Variants in BICRA observed in about 807,000 individuals in gnomAD.
The protein encoded by BICRA is BRD4 interacting chromatin remodeling complex associated protein, also known as BRD4-interacting chromatin-remodeling complex-associated protein.
In BICRA, 31 loss-of-function variants were observed where a neutral mutation model predicts 96.9. The observed-to-expected ratio is 0.32, with a 90% CI of 0.24 to 0.43. BICRA has a LOEUF of 0.43. Among genes scored for constraint, BICRA ranks in the 20% least tolerant of loss-of-function variants. BICRA has a pLI of 1.00. For missense variants in BICRA, 2,283 were observed against 2,190.3 expected (o/e 1.04, Z -0.84); for synonymous variants, 1,350 against 1,071.8 (o/e 1.26, Z -5.07).
At chr19:47,622,561 A>G (rs1237766471) in intron 1 of BICRA, among the ~76,000 whole-genome samples, 4 of 150,204 alleles carry the variant, frequency 2.7e-5, no homozygotes, top group Admixed American at 6.6e-5. Flanking sequence ...TGTCTCTACT[A>G]AAAATACAAA....
At chr19:47,621,093 C>A (rs1972058528) in intron 1 of BICRA, among the ~76,000 whole-genome samples, 1 of 152,100 alleles carries the variant, frequency 6.6e-6, no homozygotes, top group African/African-American at 2.4e-5. Context: ...GGATTGTTGA[C>A]CTCCCCACTG....
At position 47,699,070 on chromosome 19, in the gene BICRA, A is replaced by G; in HGVS notation, c.3492+11A>G. 1 of 1,529,244 alleles carries G rather than the reference A, an allele frequency of 6.5e-7. No individual in the cohort carries two copies. Among genetic ancestry groups the G allele is most frequent in the Non-Finnish European group, 8.9e-7 (1 of 1,125,786 alleles). The allele number at this position is 1,529,244 out of a possible 1,614,324, so 94.7% of individuals were successfully genotyped here. A position where few individuals can be genotyped will look rare whatever the true frequency, so the allele number is the denominator to read the frequency against. Reference sequence around the variant, plus strand: ...CTGGAGGAGTCCCGGGTAGGGTCAGAGTCGCCTTCCTCGCCTCTGGGCTCC... The same window carrying G: ...CTGGAGGAGTCCCGGGTAGGGTCAGGGTCGCCTTCCTCGCCTCTGGGCTCC... On this transcript the variant is annotated intron_variant, in intron 13 of 14. Coordinates refer to ENST00000594866, the MANE Select transcript of BICRA (RefSeq NM_001394372.1). The surrounding 1 kb of genome is among the most constrained non-coding windows in gnomAD (Gnocchi z 5.0).
At chr19:47,649,037 C>G (rs1362581107) in intron 1 of BICRA, among the ~76,000 whole-genome samples, 6 of 151,962 alleles carry the variant, frequency 3.9e-5, no homozygotes, top group Non-Finnish European at 8.8e-5. Context: ...ATTTTTAGTA[C>G]AGACGGGGTT....
intron 1 of BICRA, among the ~76,000 whole-genome samples, chr19:47,612,394 C>G (rs1971921140): frequency 6.8e-6 from 1 of 148,018 alleles, no homozygotes; most frequent in African/African-American, 2.5e-5. Context: ...CAAGCCTGGG[C>G]AAGAGTGAGA....
In BICRA at chr19:47,679,374, G is replaced by A. The variant is rs772895921; in HGVS notation, c.204G>A (p.Pro68=). 6.3e-6 allele frequency: 9 copies of A among 1,429,642 alleles called. No homozygotes were observed. In the East Asian group the frequency reaches 8.2e-5, roughly 13 times the overall value. The allele number at this position is 1,429,642 out of a possible 1,614,324, so 88.6% of individuals were successfully genotyped here. The change falls in exon 6 of 15, where the codon CCG becomes CCA. Residue 68 remains proline (P), a synonymous_variant. Coordinates refer to ENST00000594866, the MANE Select transcript of BICRA (RefSeq NM_001394372.1). ...GNHLNPEPNQ[P]APSVDLDFLE... The stretch of plus-strand genomic sequence containing the variant: ...ACCTGAACCCAGAGCCCAACCAGCC[G>A]GCCCCCAGTGTGGACCTAGACTTCC...
rs67811590 is a variant in BICRA at position 47,685,786 on chromosome 19, T to TGCGCGC, written c.2283+3643_2283+3648dup. On this transcript the variant is annotated intron_variant, in intron 7 of 14. Transcript: ENST00000594866. ...GTGTGTGTGTGTGTGTGTGTGTGTGTGCGCGCGCGCGCGCATGCGTACATT... is the reference window on the plus strand; with the variant it reads ...GTGTGTGTGTGTGTGTGTGTGTGTGTGCGCGCGCGCGCGCGCGCGCATGCGTACATT... Among the ~76,000 whole-genome samples the TGCGCGC allele has an allele frequency of 1.1e-3, 125 of 117,968 alleles. 2 individuals carry two copies. The highest frequency in any genetic ancestry group is 4.6e-3 in the South Asian group (15 of 3,282). The allele number at this position is 117,968 out of a possible 152,430, so 77.4% of individuals were successfully genotyped here. A position where few individuals can be genotyped will look rare whatever the true frequency, so the allele number is the denominator to read the frequency against.
intron 1 of BICRA, among the ~76,000 whole-genome samples, chr19:47,628,123 A>G (rs1176495904): frequency 6.6e-6 from 1 of 152,190 alleles, no homozygotes; most frequent in East Asian, 1.9e-4. Flanking sequence ...ACATGACAAC[A>G]TGACAAGGAC....
rs114055817 is a variant in BICRA, at chr19:47,648,026, G to A, written c.-107-22417G>A. Among the ~76,000 whole-genome samples, 1,119 of 152,154 alleles carry A rather than the reference G, an allele frequency of 7.4e-3. 10 individuals are homozygous for A. The highest frequency in any genetic ancestry group is 0.025 in the African/African-American group (1,035 of 41,518). ...ACTGGATTAACTTGCTCCTGGGTCGGTGTGCGGGATAGGGGGAGGGTGCAT... is the reference window on the plus strand; with the variant it reads ...ACTGGATTAACTTGCTCCTGGGTCGATGTGCGGGATAGGGGGAGGGTGCAT... On this transcript the variant is annotated intron_variant, in intron 1 of 14. Coordinates refer to ENST00000594866, the MANE Select transcript of BICRA (RefSeq NM_001394372.1).
In BICRA at chr19:47,699,403, C is replaced by T. The variant is rs760720237; in HGVS notation, c.3593C>T (p.Pro1198Leu). 14 of 1,506,494 alleles carry T rather than the reference C, an allele frequency of 9.3e-6. 1 individual carries two copies. The Admixed American group carries it at 2.5e-4, about 27-fold the overall frequency. 93.3% of individuals were successfully genotyped at this position (1,506,494 alleles called of 1,614,324 possible). ...ALDKQLAKEK[P>L]DEYVSSSRSL... ...GATAAACAGCTGGCCAAGGAGAAGC[C>T]GGGTGAGAGGGGGGAGTGAGAGGGG... Residue 1198 changes from proline (P) to leucine (L), a missense_variant and splice_region_variant, in exon 14 of 15, where the codon CCG (proline) becomes CTG (leucine). Transcript: ENST00000594866. The surrounding 1 kb of genome is among the most constrained non-coding windows in gnomAD (Gnocchi z 5.0).
chr19:47,646,702 TCCTA>T (rs1972464878), intron 1 of BICRA, among the ~76,000 whole-genome samples: 1 of 152,156 alleles, frequency 6.6e-6, no homozygotes. Flanking sequence ...AGTCAAGGAT[TCCTA>T]CAGAAAAGTG....
intron 1 of BICRA, among the ~76,000 whole-genome samples, chr19:47,628,036 G>A (rs1348465718): frequency 6.6e-6 from 1 of 152,184 alleles, no homozygotes; most frequent in Non-Finnish European, 1.5e-5. Flanking sequence ...TCGAAGTGGT[G>A]GGATTACAGG....
At chr19:47,610,420 C>T (rs911112105) in intron 1 of BICRA, among the ~76,000 whole-genome samples, 4 of 152,198 alleles carry the variant, frequency 2.6e-5, no homozygotes, top group African/African-American at 9.6e-5. Context: ...CGGCTTCTTC[C>T]TCTCCGCGCC....
upstream of BICRA, chr19:47,608,546 G>C (rs1971842931): frequency 6.6e-6 from 1 of 152,216 alleles, no homozygotes. Flanking sequence ...TCCCCAGCCG[G>C]ACCGGCGGTC....
intron 1 of BICRA, among the ~76,000 whole-genome samples, chr19:47,633,665 A>G (rs932556635): frequency 6.6e-6 from 1 of 152,168 alleles, no homozygotes; most frequent in African/African-American, 2.4e-5. Context: ...CCATTTCTGG[A>G]GAGCTTCCAG....
At position 47,701,069 on chromosome 19, in the gene BICRA, T is replaced by G; in HGVS notation, c.3596-259T>G. ...CTGGGATTACAGGCCTGAGCCTTGT[T>G]TTGTATTCTCTTAATTTACTTATGT... On this transcript the variant is annotated intron_variant, in intron 14 of 14. Coordinates refer to ENST00000594866, the MANE Select transcript of BICRA (RefSeq NM_001394372.1). The surrounding 1 kb of genome is among the most constrained non-coding windows in gnomAD (Gnocchi z 5.4). 3 of 497,454 alleles carry G rather than the reference T, an allele frequency of 6.0e-6. No homozygotes were observed. Among genetic ancestry groups the G allele is most frequent in the Non-Finnish European group, 1.1e-5 (3 of 281,868 alleles). The allele number at this position is 497,454 out of a possible 1,614,324, so 30.8% of individuals were successfully genotyped here. A position where few individuals can be genotyped will look rare whatever the true frequency, so the allele number is the denominator to read the frequency against.
intron 1 of BICRA, among the ~76,000 whole-genome samples, chr19:47,629,168 A>AT (rs1972183136): frequency 6.6e-6 from 1 of 151,368 alleles, no homozygotes; most frequent in Admixed American, 6.6e-5. Flanking sequence ...CGCCCGGCTA[A>AT]TTTTTTTTGT....
At chr19:47,656,069 GACAC>G (rs60179476) in intron 1 of BICRA, among the ~76,000 whole-genome samples, 3,479 of 132,122 alleles carry the variant, frequency 0.026, 58 homozygotes, top group African/African-American at 0.06. Context: ...ATCCTGTCTC[GACAC>G]ACACACACAC....
Position 47,695,439 on chromosome 19 carries a change from G to A in BICRA, c.3151G>A (p.Ala1051Thr), listed in dbSNP as rs763086170. 4.4e-6 allele frequency: 7 copies of A among 1,581,586 alleles called. No individual in the cohort carries two copies. The highest frequency in any genetic ancestry group is 4.1e-5 in the African/African-American group (3 of 73,800). The change falls in exon 10 of 15, where the codon GCT (alanine) becomes ACT (threonine). Residue 1051 changes from alanine to threonine, a missense_variant. Physicochemically the swap from Ala to Thr is moderately conservative, Grantham distance 58. Coordinates refer to ENST00000594866, the MANE Select transcript of BICRA (RefSeq NM_001394372.1). ...CCCGACCCTGAATGTGGCCAAGGCC[G>A]CTTCCTCCGGGCCAGGGAAGCCCTC... is the stretch of plus-strand genomic sequence containing the variant. ...NLPTLNVAKA[A>T]SSGPGKPSGL...
chr19:47,657,943 CCT>C (rs1972645919), intron 1 of BICRA, among the ~76,000 whole-genome samples: 1 of 150,368 alleles, frequency 6.7e-6, no homozygotes, highest in Non-Finnish European at 1.5e-5. Context: ...TTTTTTTTTC[CCT>C]GAGTCTGTTT....
Sources: gnomAD v4.1 joint callset for allele counts (sites outside exome capture counted in the v4.1 genomes callset) on GRCh38, gnomAD v4.1.1 for gene constraint, Gnocchi (gnomAD v3.1) non-coding constraint, MANE v1.5 for transcripts, NCBI Gene and HGNC (gene_info 2026-07-23, HGNC 2026-07-21) for gene names.